The following C10orf71 variants were observed in gnomAD, a reference collection of about 807,000 sequenced individuals.
C10orf71 encodes cardiac-enriched FHL2-interacting protein.
For missense variants in C10orf71, 1,869 were observed against 1,804.5 expected, an observed-to-expected ratio of 1.04 and a Z score of -0.65; for synonymous variants, 758 against 726.3, an observed-to-expected ratio of 1.04 and a Z score of -0.70.
chr10:49,317,321 C>T (rs1156826917), intron 2 of C10orf71, among the ~76,000 whole-genome samples: 1 of 152,222 alleles, frequency 6.6e-6, no homozygotes, highest in Admixed American at 6.5e-5. Context: ...CTGGGCTCCT[C>T]ACCTGTCCAC....
At chr10:49,302,207 T>C (rs1346990273) in intron 1 of C10orf71, among the ~76,000 whole-genome samples, 2 of 152,204 alleles carry the variant, frequency 1.3e-5, no homozygotes, top group African/African-American at 4.8e-5. Context: ...GTTCCAGATC[T>C]GGCACCACTG....
In C10orf71 at chr10:49,326,463, G is replaced by A; in HGVS notation, c.3918G>A (p.Lys1306=). The part of the protein sequence containing the change: ...IKTFYDPETG[K]YVKVSIPSSE... ...CCTTCTATGACCCAGAGACGGGCAAGTATGTCAAGGTCTCCATCCCGTCCT... is the reference window on the plus strand; with the variant it reads ...CCTTCTATGACCCAGAGACGGGCAAATATGTCAAGGTCTCCATCCCGTCCT... The change falls in exon 3 of 3, where the codon AAG becomes AAA. Residue 1306 remains lysine, a synonymous_variant. Coordinates refer to ENST00000374144, the MANE Select transcript of C10orf71 (RefSeq NM_001135196.2). 3 of 1,550,290 alleles carry A rather than the reference G, an allele frequency of 1.9e-6. No homozygotes were observed. The highest frequency in any genetic ancestry group is 2.6e-6 in the Non-Finnish European group (3 of 1,146,816).
chr10:49,316,636 G>T (rs1041643261), intron 2 of C10orf71, among the ~76,000 whole-genome samples: 1 of 152,152 alleles, frequency 6.6e-6, no homozygotes, highest in African/African-American at 2.4e-5. Context: ...AGGTCTTGTA[G>T]CCTCAAGGTG....
intron 1 of C10orf71, among the ~76,000 whole-genome samples, chr10:49,301,340 C>G (rs1304651357): frequency 6.6e-6 from 1 of 152,182 alleles, no homozygotes; most frequent in Non-Finnish European, 1.5e-5. Flanking sequence ...TCCAGCCAGT[C>G]CATAGTCTTT....
rs756229989 is a variant in C10orf71 at position 49,324,868 on chromosome 10, C to T, written c.2323C>T (p.Arg775Trp). ...GAAGGATGAGAAGGAGAATGTGATG[C>T]GGAAGGATGAGCTGCAGTACTGTGC... is the stretch of plus-strand genomic sequence containing the variant. ...SQKDEKENVMRKDELQYCALS... is the reference protein window; with the variant it reads ...SQKDEKENVMWKDELQYCALS... Residue 775 changes from arginine (R) to tryptophan (W), a missense_variant, in exon 3 of 3, where the codon CGG (arginine) becomes TGG (tryptophan). By Grantham distance (101) the Arg-to-Trp change is moderately radical. Coordinates refer to ENST00000374144, the MANE Select transcript of C10orf71 (RefSeq NM_001135196.2). 3.4e-5 allele frequency: 52 copies of T among 1,551,562 alleles called. No homozygotes were observed. Among genetic ancestry groups the T allele is most frequent in the South Asian group, 3.0e-4 (25 of 84,048 alleles).
upstream of C10orf71, among the ~76,000 whole-genome samples, chr10:49,298,495 G>A (rs1848672442): frequency 6.6e-6 from 1 of 152,210 alleles, no homozygotes; most frequent in Non-Finnish European, 1.5e-5. Flanking sequence ...GGCAGTTTGG[G>A]GAGCAGGTGA....
chr10:49,327,107 T>G lies in C10orf71; in HGVS notation c.*254T>G. On this transcript the variant is annotated 3_prime_UTR_variant, in exon 3 of 3. Transcript: ENST00000374144. ...TTGGCCCGGTCCCCTCCGTGCCAGT[T>G]CCCAGGCGCACTCTACTCCAGCCCT... 1 of 1,308,616 alleles carries G rather than the reference T, an allele frequency of 7.6e-7. No individual in the cohort carries two copies. The highest frequency in any genetic ancestry group is 1.0e-6 in the Non-Finnish European group (1 of 976,548). The allele number at this position is 1,308,616 out of a possible 1,614,324, so 81.1% of individuals were successfully genotyped here.
Position 49,324,948 on chromosome 10 carries a change from A to G in C10orf71, c.2403A>G (p.Gln801=). ...LENRSQGEAL[Q]RERESVSGGR... is the part of the protein sequence containing the mutation. ...ACCGCAGCCAGGGGGAAGCATTGCA[A>G]AGAGAAAGGGAAAGTGTGTCTGGAG... Residue 801 remains glutamine, a synonymous_variant, in exon 3 of 3, where the codon CAA becomes CAG. Coordinates refer to ENST00000374144, the MANE Select transcript of C10orf71 (RefSeq NM_001135196.2). The G allele has an allele frequency of 6.4e-7, 1 of 1,550,948 alleles. No individual in the cohort carries two copies. The highest frequency in any genetic ancestry group is 8.7e-7 in the Non-Finnish European group (1 of 1,146,406).
chr10:49,324,880 C>A lies in C10orf71; in HGVS notation c.2335C>A (p.Leu779Met). ...GGAGAATGTGATGCGGAAGGATGAG[C>A]TGCAGTACTGTGCCTTAAGCAATGG... ...EKENVMRKDELQYCALSNGHA... is the reference protein window; with the variant it reads ...EKENVMRKDEMQYCALSNGHA... Residue 779 changes from leucine (L) to methionine (M), a missense_variant, in exon 3 of 3, where the codon CTG becomes ATG. Transcript: ENST00000374144. 1 of 1,551,684 alleles carries A rather than the reference C, an allele frequency of 6.4e-7. No individual in the cohort carries two copies. The highest frequency in any genetic ancestry group is 8.7e-7 in the Non-Finnish European group (1 of 1,146,920).
At chr10:49,319,226 G>C (rs1339152007) in intron 2 of C10orf71, among the ~76,000 whole-genome samples, 2 of 152,116 alleles carry the variant, frequency 1.3e-5, no homozygotes, top group African/African-American at 4.8e-5. Flanking sequence ...TAGGCAATGG[G>C]AGGTATGTGT....
rs552701285 is a variant in C10orf71 at position 49,305,829 on chromosome 10, A to G, written c.-248+6596A>G. On this transcript the variant is annotated intron_variant, in intron 1 of 2. Coordinates refer to ENST00000374144, the MANE Select transcript of C10orf71 (RefSeq NM_001135196.2). ...GGATGCCTAAAATTTCTGGTCTCAG[A>G]GAGTTTTTTTTAAATCACTATAGAT... is the stretch of plus-strand genomic sequence containing the variant. Among the ~76,000 whole-genome samples the G allele has an allele frequency of 3.3e-5, 5 of 152,374 alleles. No homozygotes were observed. In the South Asian group the frequency reaches 1.0e-3, roughly 32 times the overall value.
chr10:49,305,091 C>T (rs894247437), intron 1 of C10orf71, among the ~76,000 whole-genome samples: 1 of 152,208 alleles, frequency 6.6e-6, no homozygotes, highest in Non-Finnish European at 1.5e-5. Flanking sequence ...GTTCTTTGCA[C>T]CCCATGCTAT....
intron 1 of C10orf71, among the ~76,000 whole-genome samples, chr10:49,301,891 G>A (rs1471929751): frequency 2.0e-5 from 3 of 152,162 alleles, no homozygotes; most frequent in Admixed American, 2.0e-4. Flanking sequence ...GGCCTTCCTT[G>A]CGTCCTCCAT....
At chr10:49,313,179 C>T (rs187832281) in intron 1 of C10orf71, among the ~76,000 whole-genome samples, 107 of 152,222 alleles carry the variant, frequency 7.0e-4, no homozygotes, top group African/African-American at 2.3e-3. Flanking sequence ...AGGGATGTAA[C>T]GGGCAGCCTT....
Position 49,326,082 on chromosome 10 carries a change from A to G in C10orf71, c.3537A>G (p.Lys1179=). The change falls in exon 3 of 3, where the codon AAA becomes AAG. Residue 1179 remains lysine, a synonymous_variant. Coordinates refer to ENST00000374144, the MANE Select transcript of C10orf71 (RefSeq NM_001135196.2). The part of the protein sequence containing the change: ...KPPAVPPKTE[K]ALRRAKKLAS... ...CTGCAGTCCCACCCAAAACAGAGAA[A>G]GCCCTGCGGCGGGCAAAGAAGCTGG... 6.4e-7 allele frequency: 1 copy of G among 1,551,756 alleles called. No homozygotes were observed.
intron 2 of C10orf71, among the ~76,000 whole-genome samples, chr10:49,320,364 T>C (rs1172572556): frequency 6.6e-6 from 1 of 152,108 alleles, no homozygotes; most frequent in East Asian, 1.9e-4. Context: ...CCAGCACCTC[T>C]ACTGGCCACC....
rs2132442793 is a variant in C10orf71 at position 49,325,794 on chromosome 10, T to C, written c.3249T>C (p.Pro1083=). 4 of 1,551,416 alleles carry C rather than the reference T, an allele frequency of 2.6e-6. No individual in the cohort carries two copies. The highest frequency in any genetic ancestry group is 3.5e-6 in the Non-Finnish European group (4 of 1,146,878). The change falls in exon 3 of 3, where the codon CCT becomes CCC. Residue 1083 remains proline (P), a synonymous_variant. Coordinates refer to ENST00000374144, the MANE Select transcript of C10orf71 (RefSeq NM_001135196.2). ...SNIWEESSQA[P]GGPELLPEEP... is the part of the protein sequence containing the mutation. ...TTTGGGAGGAGTCTTCCCAGGCCCCTGGAGGACCAGAGCTGCTTCCCGAGG... is the reference window on the plus strand; with the variant it reads ...TTTGGGAGGAGTCTTCCCAGGCCCCCGGAGGACCAGAGCTGCTTCCCGAGG...
Position 49,323,032 on chromosome 10 carries a change from A to G in C10orf71, c.487A>G (p.Thr163Ala). Residue 163 changes from threonine to alanine, a missense_variant, in exon 3 of 3, where the codon ACT becomes GCT. Coordinates refer to ENST00000374144, the MANE Select transcript of C10orf71 (RefSeq NM_001135196.2). ...GAGCCAACGTTGTGAGAGCAGGCCC[A>G]CTGCCAGCAAGCCTCCGGCTCTGAA... ...TESQRCESRP[T>A]ASKPPALKNP... 6.2e-7 allele frequency: 1 copy of G among 1,614,016 alleles called. No individual in the cohort carries two copies. Among genetic ancestry groups the G allele is most frequent in the Non-Finnish European group, 8.5e-7 (1 of 1,179,894 alleles).
intron 2 of C10orf71, among the ~76,000 whole-genome samples, chr10:49,318,111 AG>A (rs1564687747): frequency 1.3e-5 from 2 of 152,262 alleles, no homozygotes; most frequent in Non-Finnish European, 2.9e-5. Flanking sequence ...GCCCCAGCAA[AG>A]AAATCAAGCA....
Sources: allele counts gnomAD v4.1 joint callset (sites outside exome capture counted in the v4.1 genomes callset), GRCh38; gene constraint gnomAD v4.1.1; transcripts MANE v1.5; gene names NCBI Gene and HGNC (gene_info 2026-07-23, HGNC 2026-07-21).